Variants in ZEB1 observed in about 807,000 individuals in gnomAD.
ZEB1 encodes zinc finger E-box-binding homeobox 1.
Under a neutral mutation model 84.9 loss-of-function variants are expected in ZEB1, and 21 were observed. That is an observed-to-expected ratio of 0.25 (90% CI 0.18 to 0.36). ZEB1 has a LOEUF of 0.36. Ranked by LOEUF, ZEB1 falls within the 10% of genes least tolerant of loss-of-function variation. The probability of loss-of-function intolerance (pLI) is 1.00; values close to 1 mark genes in which losing one functional copy is unlikely to be tolerated. For synonymous variants in ZEB1, 420 were observed against 471.1 expected (o/e 0.89, Z 1.41); for missense variants, 1,104 against 1,330.2 (o/e 0.83, Z 2.65).
chr10:31,373,468 A>T (rs1232686673), intron 1 of ZEB1, among the ~76,000 whole-genome samples: 1 of 151,824 alleles, frequency 6.6e-6, no homozygotes. Flanking sequence ...TAGTTATTTA[A>T]AATAGTATAT....
At chr10:31,477,695 CATAA>C (rs1343468037) in intron 2 of ZEB1, among the ~76,000 whole-genome samples, 3 of 151,952 alleles carry the variant, frequency 2.0e-5, no homozygotes, top group East Asian at 1.9e-4. Context: ...ACAAAGAACT[CATAA>C]ATAAAGTGAC....
At chr10:31,516,539 TAAAAAAAAAAAAAAAAAAAAA>T (rs71027029) in intron 6 of ZEB1, among the ~76,000 whole-genome samples, 751 of 34,098 alleles carry the variant, frequency 0.022, 24 homozygotes, top group African/African-American at 0.064. Flanking sequence ...TGTCTGTAAG[TAAAAAAAAAAAAAAAAAAAAA>T]AAAAAAAAAA....
chr10:31,516,730 G>C (rs1355214938), intron 6 of ZEB1, among the ~76,000 whole-genome samples: 1 of 151,820 alleles, frequency 6.6e-6, no homozygotes, highest in African/African-American at 2.4e-5. Context: ...AATTTGATAG[G>C]GTTTCTTTTT....
At chr10:31,365,830 T>C (rs1427701109) in intron 1 of ZEB1, among the ~76,000 whole-genome samples, 2 of 152,256 alleles carry the variant, frequency 1.3e-5, no homozygotes, top group Non-Finnish European at 2.9e-5. Context: ...GTGAACATTT[T>C]ACATGATCAG....
upstream of ZEB1, chr10:31,319,163 C>T: frequency 1.2e-6 from 1 of 809,564 alleles, no homozygotes; most frequent in Non-Finnish European, 1.7e-6. Context: ...GGGGTGGAGG[C>T]GGAGGGGTGG....
chr10:31,499,898 T>G (rs2067867464), intron 3 of ZEB1, among the ~76,000 whole-genome samples: 1 of 152,152 alleles, frequency 6.6e-6, no homozygotes, highest in African/African-American at 2.4e-5. Flanking sequence ...TAAAAAAATC[T>G]TTATCTCTAA....
intron 1 of ZEB1, among the ~76,000 whole-genome samples, chr10:31,361,994 A>G (rs2043220792): frequency 6.7e-6 from 1 of 148,894 alleles, no homozygotes; most frequent in Non-Finnish European, 1.5e-5. Flanking sequence ...CATTTCCCAG[A>G]CGGTGAGGAG....
At chr10:31,393,552 T>C (rs929325725) in intron 1 of ZEB1, among the ~76,000 whole-genome samples, 24 of 152,214 alleles carry the variant, frequency 1.6e-4, no homozygotes, top group Admixed American at 3.3e-4. Flanking sequence ...AGATATTAAA[T>C]ATTTTTGTGA....
intron 1 of ZEB1, chr10:31,363,961 G>C (rs1218008744): frequency 7.7e-7 from 1 of 1,293,882 alleles, no homozygotes; most frequent in Non-Finnish European, 9.9e-7. Flanking sequence ...AGCTGGGAAG[G>C]CCTCACGGAC....
At chr10:31,486,966 A>G (rs1299929764) in intron 2 of ZEB1, among the ~76,000 whole-genome samples, 1 of 151,302 alleles carries the variant, frequency 6.6e-6, no homozygotes. Context: ...GTGAAGTTTC[A>G]TTTCTTCAAT....
At chr10:31,321,529 A>G in intron 1 of ZEB1, 1 of 1,613,982 alleles carries the variant, frequency 6.2e-7, no homozygotes, top group East Asian at 2.2e-5. Flanking sequence ...TGGCTTTATG[A>G]AAGGTAAGTT....
At chr10:31,321,176 A>C in intron 1 of ZEB1, 1 of 1,088,624 alleles carries the variant, frequency 9.2e-7, no homozygotes, top group South Asian at 3.0e-5. Context: ...AGGTTTTGTA[A>C]CCTTTCCTGG....
At chr10:31,406,023 TC>T (rs1349833866) in intron 1 of ZEB1, among the ~76,000 whole-genome samples, 1 of 152,218 alleles carries the variant, frequency 6.6e-6, no homozygotes, top group Non-Finnish European at 1.5e-5. Flanking sequence ...GGACATGAAC[TC>T]ATCCTTTTTA....
At chr10:31,364,699 G>A (rs1004808774) in intron 1 of ZEB1, among the ~76,000 whole-genome samples, 3 of 152,196 alleles carry the variant, frequency 2.0e-5, no homozygotes, top group African/African-American at 7.2e-5. Context: ...TTACAAATTT[G>A]CCTGAGACCA....
Position 31,526,667 on chromosome 10 carries a change from T to G in ZEB1, c.2786-5T>G. 6.2e-7 allele frequency: 1 copy of G among 1,613,488 alleles called. No homozygotes were observed. The highest frequency in any genetic ancestry group is 8.5e-7 in the Non-Finnish European group (1 of 1,179,966). ...ATTTTATTTAACAGAATTCTTATTTTGCAGGTAAAAGACCTCATGAGTGTG... is the reference window on the plus strand; with the variant it reads ...ATTTTATTTAACAGAATTCTTATTTGGCAGGTAAAAGACCTCATGAGTGTG... On this transcript the variant is annotated splice_polypyrimidine_tract_variant and splice_region_variant and intron_variant, in intron 8 of 8. Coordinates refer to ENST00000424869, the MANE Select transcript of ZEB1 (RefSeq NM_001174096.2).
rs977055747 is a variant in ZEB1 at position 31,427,386 on chromosome 10, G to A, written c.59-33651G>A. On this transcript the variant is annotated intron_variant, in intron 1 of 8. Coordinates refer to ENST00000424869, the MANE Select transcript of ZEB1 (RefSeq NM_001174096.2). Reference sequence around the variant, plus strand: ...AACCCCAACTCAGTAGGTATAAGCCGAAAAAGGGAAGGACTGAAAAGTATG... The same window carrying A: ...AACCCCAACTCAGTAGGTATAAGCCAAAAAAGGGAAGGACTGAAAAGTATG... Among the ~76,000 whole-genome samples the A allele has an allele frequency of 5.2e-4, 79 of 152,088 alleles. 1 individual carries two copies. Among genetic ancestry groups the A allele is most frequent in the African/African-American group, 1.4e-3 (58 of 41,492 alleles).
chr10:31,361,715 T>C (rs1292643969), intron 1 of ZEB1, among the ~76,000 whole-genome samples: 3 of 125,546 alleles, frequency 2.4e-5, no homozygotes, highest in East Asian at 2.8e-4. Context: ...ACTTCCCAGA[T>C]GGGACGGTGG....
chr10:31,452,734 TGTGTGTGTGAGAGA>T (rs1463536872), intron 1 of ZEB1, among the ~76,000 whole-genome samples: 62 of 111,050 alleles, frequency 5.6e-4, no homozygotes, highest in African/African-American at 3.0e-3. Context: ...TGTGTGTGTG[TGTGTGTGTGAGAGA>T]GAGAGAGAGA....
rs559036177 is a variant in ZEB1, at chr10:31,529,304, T to C, written c.*2040T>C. On this transcript the variant is annotated 3_prime_UTR_variant, in exon 9 of 9. Coordinates refer to ENST00000424869, the MANE Select transcript of ZEB1 (RefSeq NM_001174096.2). ...TGATTCATCTTGAGCTGAATTTGGG[T>C]AACACTAAATGTTTTAGACATTCTC... The C allele has an allele frequency of 6.6e-6, 1 of 152,344 alleles. No homozygotes were observed. Among genetic ancestry groups the C allele is most frequent in the South Asian group, 2.1e-4 (1 of 4,832 alleles). 9.4% of individuals were successfully genotyped at this position (152,344 alleles called of 1,614,324 possible).
Sources: allele counts gnomAD v4.1 joint callset (sites outside exome capture counted in the v4.1 genomes callset), GRCh38; gene constraint gnomAD v4.1.1; transcripts MANE v1.5; gene names NCBI Gene and HGNC (gene_info 2026-07-23, HGNC 2026-07-21).